Variants in RFX3 observed in about 807,000 individuals in gnomAD.
RFX3 encodes the protein transcription factor RFX3.
In RFX3, 14 loss-of-function variants were observed where a neutral mutation model predicts 98.6. The observed-to-expected ratio is 0.14, with a 90% CI of 0.09 to 0.22. The LOEUF (loss-of-function observed/expected upper bound fraction) is 0.22. Among genes scored for constraint, RFX3 ranks in the 10% least tolerant of loss-of-function variants. The probability of loss-of-function intolerance (pLI) is 1.00; values close to 1 mark genes in which losing one functional copy is unlikely to be tolerated. For missense variants in RFX3, 639 were observed against 926.9 expected, an observed-to-expected ratio of 0.69 and a Z score of 4.03; for synonymous variants, 383 against 328.4, an observed-to-expected ratio of 1.17 and a Z score of -1.80.
chr9:3,244,593 T>C (rs1298139810), intron 15 of RFX3, among the ~76,000 whole-genome samples: 1 of 152,202 alleles, frequency 6.6e-6, no homozygotes, highest in African/African-American at 2.4e-5. Context: ...CCTGTGCACA[T>C]TCCCCTGTGC....
At chr9:3,244,348 A>G (rs1820354095) in intron 15 of RFX3, among the ~76,000 whole-genome samples, 1 of 152,142 alleles carries the variant, frequency 6.6e-6, no homozygotes, top group Non-Finnish European at 1.5e-5. Context: ...AATAGTATCC[A>G]CTTATAGATC....
intron 1 of RFX3, among the ~76,000 whole-genome samples, chr9:3,484,332 G>C (rs1354771571): frequency 6.6e-6 from 1 of 152,172 alleles, no homozygotes; most frequent in African/African-American, 2.4e-5. Context: ...ATAAATACTA[G>C]TTATTGTTAT....
intron 1 of RFX3, among the ~76,000 whole-genome samples, chr9:3,465,953 GAAC>G (rs1848173933): frequency 6.6e-6 from 1 of 152,132 alleles, no homozygotes. Context: ...GTGACCATAT[GAAC>G]AACATTTTCA....
chr9:3,345,105 G>T (rs372000923), intron 3 of RFX3, among the ~76,000 whole-genome samples: 1 of 152,096 alleles, frequency 6.6e-6, no homozygotes, highest in African/African-American at 2.4e-5. Context: ...TAAAAGTCAG[G>T]GGATAATGTT....
At chr9:3,339,782 G>A (rs1563952175) in intron 3 of RFX3, among the ~76,000 whole-genome samples, 1 of 152,132 alleles carries the variant, frequency 6.6e-6, no homozygotes, top group Non-Finnish European at 1.5e-5. Flanking sequence ...AACATTCCAT[G>A]CTCATGGGTA....
Position 3,275,086 on chromosome 9 carries a change from T to C in RFX3, c.1086+414A>G, listed in dbSNP as rs72699028. Among the ~76,000 whole-genome samples, 1,400 of 152,010 alleles carry C rather than the reference T, an allele frequency of 9.2e-3. 11 individuals are homozygous for C. The highest frequency in any genetic ancestry group is 0.018 in the East Asian group (91 of 5,172). ...GCTGTATAGTATTCTACTCTAAAGA[T>C]TGTATTAATACCATATTTTATTTAT... is the stretch of plus-strand genomic sequence containing the variant. On this transcript the variant is annotated intron_variant, in intron 9 of 16. Coordinates refer to ENST00000617270, the MANE Select transcript of RFX3 (RefSeq NM_001282116.2).
intron 3 of RFX3, 143 bp from the exon 4 acceptor site, chr9:3,330,660 T>G: frequency 1.4e-6 from 1 of 714,698 alleles, no homozygotes; most frequent in Non-Finnish European, 2.3e-6. Context: ...CAAAACTTCA[T>G]TCCCAGAAAC....
At chr9:3,494,209 C>T (rs1850947948) in intron 1 of RFX3, among the ~76,000 whole-genome samples, 1 of 152,082 alleles carries the variant, frequency 6.6e-6, no homozygotes, top group African/African-American at 2.4e-5. Context: ...AAAATTCTGC[C>T]TCAATCATAT....
intron 2 of RFX3, among the ~76,000 whole-genome samples, chr9:3,369,039 T>G (rs763537055): frequency 1.3e-5 from 2 of 152,134 alleles, no homozygotes; most frequent in East Asian, 3.9e-4. Flanking sequence ...AGATACAAAC[T>G]GAAATATGAC....
rs1049829156 is a variant in RFX3 at position 3,222,147 on chromosome 9, T to G, written c.*2895A>C. On this transcript the variant is annotated 3_prime_UTR_variant, in exon 17 of 17. Coordinates refer to ENST00000617270, the MANE Select transcript of RFX3 (RefSeq NM_001282116.2). ...TTTCACAATTCAAATTCGAAATTGA[T>G]GAAAATGTTTGTGTGTATGTCTGTG... 4.6e-5 allele frequency: 7 copies of G among 152,312 alleles called. No homozygotes were observed. Among genetic ancestry groups the G allele is most frequent in the African/African-American group, 1.7e-4 (7 of 41,582 alleles). The allele number at this position is 152,312 out of a possible 1,614,324, so 9.4% of individuals were successfully genotyped here. A position where few individuals can be genotyped will look rare whatever the true frequency, so the allele number is the denominator to read the frequency against.
intron 1 of RFX3, among the ~76,000 whole-genome samples, chr9:3,505,639 A>C (rs1480229189): frequency 6.6e-6 from 1 of 150,910 alleles, no homozygotes; most frequent in Non-Finnish European, 1.5e-5. Context: ...TATTATAAAT[A>C]TACAAAGCCA....
intron 1 of RFX3, among the ~76,000 whole-genome samples, chr9:3,513,766 A>G (rs78772506): frequency 6.6e-6 from 1 of 151,930 alleles, no homozygotes; most frequent in Non-Finnish European, 1.5e-5. Flanking sequence ...AAAAATGCTC[A>G]AGCAAACCTA....
At chr9:3,342,946 G>C (rs1255172588) in intron 3 of RFX3, among the ~76,000 whole-genome samples, 4 of 152,182 alleles carry the variant, frequency 2.6e-5, no homozygotes, top group Admixed American at 2.6e-4. Context: ...TCTCCCTTGA[G>C]CAAAAAGGTA....
chr9:3,267,347 G>A (rs1352444669), intron 11 of RFX3, among the ~76,000 whole-genome samples: 1 of 151,834 alleles, frequency 6.6e-6, no homozygotes, highest in Non-Finnish European at 1.5e-5. Context: ...TTTGGGCCGA[G>A]GTCCCCAGGA....
intron 2 of RFX3, among the ~76,000 whole-genome samples, chr9:3,388,123 A>C (rs1587458234): frequency 6.6e-6 from 1 of 152,246 alleles, no homozygotes; most frequent in South Asian, 2.1e-4. Context: ...TACTGGTTGT[A>C]ACGACATACT....
At chr9:3,408,578 G>A (rs1391047470) in intron 1 of RFX3, among the ~76,000 whole-genome samples, 1 of 151,250 alleles carries the variant, frequency 6.6e-6, no homozygotes, top group African/African-American at 2.4e-5. Flanking sequence ...TGCTGTAAGA[G>A]TTATCTCTGT....
At chr9:3,451,448 G>C (rs1293101285) in intron 1 of RFX3, among the ~76,000 whole-genome samples, 1 of 152,166 alleles carries the variant, frequency 6.6e-6, no homozygotes. Context: ...GGAAGCTGAG[G>C]TAGGAGGATG....
chr9:3,466,818 G>C (rs1385473227), intron 1 of RFX3, among the ~76,000 whole-genome samples: 1 of 151,728 alleles, frequency 6.6e-6, no homozygotes, highest in Non-Finnish European at 1.5e-5. Flanking sequence ...CATTTTATAA[G>C]TTTCTATCCC....
At chr9:3,239,491 A>G (rs17658600) in intron 15 of RFX3, among the ~76,000 whole-genome samples, 5,306 of 152,302 alleles carry the variant, frequency 0.035, 138 homozygotes, top group East Asian at 0.13. Flanking sequence ...CAATCTGTAA[A>G]CAGGGCAGCA....
Sources: allele counts gnomAD v4.1 joint callset (sites outside exome capture counted in the v4.1 genomes callset), GRCh38; gene constraint gnomAD v4.1.1; transcripts MANE v1.5; gene names NCBI Gene and HGNC (gene_info 2026-07-23, HGNC 2026-07-21).